The following NRCAM variants were observed in gnomAD, a reference collection of about 807,000 sequenced individuals.
NRCAM encodes NgCAM-related cell adhesion molecule.
NRCAM carries 83 observed loss-of-function variants against 156.5 expected under a neutral mutation model. The observed-to-expected ratio is 0.53, with a 90% CI of 0.44 to 0.64. NRCAM has a LOEUF of 0.64. Ranked by LOEUF, NRCAM falls within the 30% of genes least tolerant of loss-of-function variation. NRCAM has a pLI of 0.00. For synonymous variants in NRCAM, 538 were observed against 563.9 expected (o/e 0.95, Z 0.65); for missense variants, 1,417 against 1,597.3 (o/e 0.89, Z 1.92).
intron 3 of NRCAM, among the ~76,000 whole-genome samples, chr7:108,311,692 C>T (rs999674575): frequency 6.6e-6 from 1 of 152,130 alleles, no homozygotes; most frequent in Non-Finnish European, 1.5e-5. Flanking sequence ...AGTTTCAATA[C>T]AACACAATGG....
intron 32 of NRCAM, 88 bp from the exon 33 acceptor site, chr7:108,150,235 A>T (rs2040466304): frequency 9.3e-7 from 1 of 1,075,866 alleles, no homozygotes; most frequent in Non-Finnish European, 1.4e-6. Context: ...ATTATGAGAA[A>T]GCATTTGGAG....
At chr7:108,150,973 C>A (rs910728652) in intron 32 of NRCAM, among the ~76,000 whole-genome samples, 5 of 152,086 alleles carry the variant, frequency 3.3e-5, no homozygotes, top group Admixed American at 3.3e-4. Context: ...CTCATGTTAA[C>A]CCCCCAGCTC....
chr7:108,447,753 A>G (rs2154492520), intron 1 of NRCAM, among the ~76,000 whole-genome samples: 3 of 152,050 alleles, frequency 2.0e-5, no homozygotes, highest in Middle Eastern at 6.8e-3. Flanking sequence ...ATGTCTTATC[A>G]TATTTCATTT....
At chr7:108,246,870 G>C (rs1589842841) in intron 3 of NRCAM, among the ~76,000 whole-genome samples, 1 of 152,214 alleles carries the variant, frequency 6.6e-6, no homozygotes, top group Non-Finnish European at 1.5e-5. Context: ...CCCTTGCATA[G>C]TCAACTCTCA....
intron 3 of NRCAM, among the ~76,000 whole-genome samples, chr7:108,307,855 C>G (rs748492223): frequency 6.6e-6 from 1 of 152,052 alleles, no homozygotes; most frequent in Non-Finnish European, 1.5e-5. Context: ...CCAAAAGCAG[C>G]CAGGGATGAA....
At chr7:108,281,799 C>G (rs939094864) in intron 3 of NRCAM, among the ~76,000 whole-genome samples, 2 of 152,328 alleles carry the variant, frequency 1.3e-5, no homozygotes, top group African/African-American at 2.4e-5. Context: ...GCTGCGAACA[C>G]AGTTGGAAGT....
intron 3 of NRCAM, among the ~76,000 whole-genome samples, chr7:108,241,399 CA>C (rs2095518703): frequency 6.6e-6 from 1 of 152,210 alleles, no homozygotes; most frequent in Non-Finnish European, 1.5e-5. Context: ...TAGGTTTAAT[CA>C]TGTCCTCTCA....
intron 25 of NRCAM, 113 bp from the exon 26 acceptor site, chr7:108,178,225 T>A: frequency 9.4e-7 from 1 of 1,061,718 alleles, no homozygotes; most frequent in Non-Finnish European, 1.4e-6. Context: ...AGTAACTCAT[T>A]CCTGATTCAG....
At chr7:108,277,739 C>T (rs917189698) in intron 3 of NRCAM, among the ~76,000 whole-genome samples, 4 of 152,112 alleles carry the variant, frequency 2.6e-5, no homozygotes, top group Admixed American at 1.3e-4. Context: ...CTACTTCTGT[C>T]AACTCGTCAA....
At chr7:108,345,637 A>T (rs2154280012) in intron 2 of NRCAM, among the ~76,000 whole-genome samples, 1 of 152,306 alleles carries the variant, frequency 6.6e-6, no homozygotes, top group East Asian at 1.9e-4. Context: ...AAGACATGAC[A>T]GAGGTGAGCT....
chr7:108,236,258 A>T (rs2094980337), intron 5 of NRCAM, among the ~76,000 whole-genome samples: 1 of 152,206 alleles, frequency 6.6e-6, no homozygotes. Context: ...GCCATCCACA[A>T]GACATCTTTT....
chr7:108,422,937 G>A (rs1412138837), intron 1 of NRCAM, among the ~76,000 whole-genome samples: 5 of 152,038 alleles, frequency 3.3e-5, no homozygotes, highest in African/African-American at 1.2e-4. Context: ...CCCCATCTTA[G>A]CCTCCAGGAG....
rs114897430 is a variant in NRCAM at position 108,228,444 on chromosome 7, T to C, written c.551-2066A>G. ...CAATAAAATAATAAATTGAAGGGTG[T>C]TGGCAGACCAAATGTTAGGCGATGG... On this transcript the variant is annotated intron_variant, in intron 8 of 32. Coordinates refer to ENST00000379028, the MANE Select transcript of NRCAM (RefSeq NM_001037132.4). Among the ~76,000 whole-genome samples the C allele has an allele frequency of 4.0e-3, 607 of 152,334 alleles. 1 individual carries two copies. Among genetic ancestry groups the C allele is most frequent in the African/African-American group, 0.014 (572 of 41,582 alleles).
At chr7:108,293,748 ATAT>A (rs922481202) in intron 3 of NRCAM, among the ~76,000 whole-genome samples, 1 of 152,164 alleles carries the variant, frequency 6.6e-6, no homozygotes, top group African/African-American at 2.4e-5. Flanking sequence ...ACTCTGCAAG[ATAT>A]TATTATTATT....
At chr7:108,431,647 C>T (rs913412279) in intron 1 of NRCAM, among the ~76,000 whole-genome samples, 16 of 151,996 alleles carry the variant, frequency 1.1e-4, no homozygotes, top group South Asian at 6.2e-4. Context: ...TAGCCAAGCA[C>T]GGTGACATGC....
Position 108,200,716 on chromosome 7 carries a change from A to G in NRCAM, c.1208-2617T>C, listed in dbSNP as rs1452326044. Among the ~76,000 whole-genome samples, 6 of 149,856 alleles carry G rather than the reference A, an allele frequency of 4.0e-5. No individual in the cohort carries two copies. In the East Asian group the frequency reaches 1.2e-3, roughly 29 times the overall value. On this transcript the variant is annotated intron_variant, in intron 13 of 32. Transcript: ENST00000379028. ...TATGGAACCAGCCCAAATGCCATCA[A>G]TCAATGAGTGGATAAAGAAATACAC...
intron 1 of NRCAM, among the ~76,000 whole-genome samples, chr7:108,409,757 A>C (rs1408739086): frequency 6.6e-6 from 1 of 152,178 alleles, no homozygotes; most frequent in African/African-American, 2.4e-5. Flanking sequence ...TTCCCCTGGC[A>C]AAAAAATTTC....
chr7:108,276,937 C>G (rs1256330982), intron 3 of NRCAM, among the ~76,000 whole-genome samples: 1 of 152,140 alleles, frequency 6.6e-6, no homozygotes, highest in East Asian at 1.9e-4. Context: ...CTGGTGGTGA[C>G]AAAATCTCTC....
chr7:108,362,021 CT>C (rs1246827359), intron 2 of NRCAM, among the ~76,000 whole-genome samples: 1 of 152,122 alleles, frequency 6.6e-6, no homozygotes, highest in Non-Finnish European at 1.5e-5. Flanking sequence ...TTTATAGCAG[CT>C]TTACTCATAA....
Sources: allele counts gnomAD v4.1 joint callset (sites outside exome capture counted in the v4.1 genomes callset), GRCh38; gene constraint gnomAD v4.1.1; transcripts MANE v1.5; gene names NCBI Gene and HGNC (gene_info 2026-07-23, HGNC 2026-07-21).